The following SLC5A4 variants were observed in gnomAD, a reference collection of about 807,000 sequenced individuals.
SLC5A4 encodes solute carrier family 5 member 4.
In SLC5A4, 55 loss-of-function variants were observed where a neutral mutation model predicts 70.3. The observed-to-expected ratio is 0.78, with a 90% CI of 0.63 to 0.98. SLC5A4 has a LOEUF of 0.98. SLC5A4 is among the 50% of genes least tolerant of loss of function. The pLI, the probability that SLC5A4 is intolerant of heterozygous loss-of-function variation, is 0.00. For synonymous variants in SLC5A4, 268 were observed against 305.7 expected, an observed-to-expected ratio of 0.88 and a Z score of 1.29; for missense variants, 735 against 839.2, an observed-to-expected ratio of 0.88 and a Z score of 1.53.
chr22:32,316,648 G>C, the SLC5A4 span, among the ~76,000 whole-genome samples: 55 of 152,052 alleles, frequency 3.6e-4, 1 homozygote, highest in South Asian at 0.011. Flanking sequence ...TCCTGCCTCA[G>C]CCTCCTGAGT....
chr22:32,306,481 A>C, the SLC5A4 span, among the ~76,000 whole-genome samples: 2 of 151,460 alleles, frequency 1.3e-5, no homozygotes, highest in African/African-American at 4.9e-5. Context: ...AAAAAAACAA[A>C]AACTACTGTA....
chr22:32,300,316 G>A, the SLC5A4 span, among the ~76,000 whole-genome samples: 2 of 150,614 alleles, frequency 1.3e-5, no homozygotes, highest in East Asian at 2.0e-4. Flanking sequence ...GGGAGACTCC[G>A]TGGGCGTAGG....
At chr22:32,272,429 T>C in the SLC5A4 span, 3 of 872,102 alleles carry the variant, frequency 3.4e-6, no homozygotes, top group Non-Finnish European at 3.8e-6. Flanking sequence ...GACAGGCAGC[T>C]CTACATCCAC....
At chr22:32,219,047 G>A (rs1924895309) in intron 14 of SLC5A4, among the ~76,000 whole-genome samples, 1 of 152,132 alleles carries the variant, frequency 6.6e-6, no homozygotes, top group African/African-American at 2.4e-5. Flanking sequence ...CCCCATGTCA[G>A]CATATTAGAG....
chr22:32,345,266 T>C, the SLC5A4 span, among the ~76,000 whole-genome samples: 4 of 152,128 alleles, frequency 2.6e-5, no homozygotes, highest in African/African-American at 9.7e-5. Context: ...GAAAACCTGA[T>C]AGAAAAAGAT....
At chr22:32,274,739 A>G in the SLC5A4 span, among the ~76,000 whole-genome samples, 753 of 152,384 alleles carry the variant, frequency 4.9e-3, 11 homozygotes, top group African/African-American at 0.017. Context: ...TATCTTAAAA[A>G]GACAAATTCA....
chr22:32,313,532 A>G, the SLC5A4 span, among the ~76,000 whole-genome samples: 1 of 152,250 alleles, frequency 6.6e-6, no homozygotes, highest in South Asian at 2.1e-4. Flanking sequence ...GGAATAGGGA[A>G]GAGCCAGGAG....
At chr22:32,337,314 C>T in the SLC5A4 span, among the ~76,000 whole-genome samples, 2 of 152,320 alleles carry the variant, frequency 1.3e-5, no homozygotes, top group South Asian at 4.1e-4. Context: ...AGGCGGATTG[C>T]CTGGGCTTAG....
At chr22:32,328,473 T>C in the SLC5A4 span, among the ~76,000 whole-genome samples, 4 of 152,184 alleles carry the variant, frequency 2.6e-5, no homozygotes, top group Non-Finnish European at 5.9e-5. Context: ...GAGCCCTCTT[T>C]TTGGGTGGTC....
the SLC5A4 span, among the ~76,000 whole-genome samples, chr22:32,304,744 C>T: frequency 1.3e-5 from 2 of 152,176 alleles, no homozygotes; most frequent in African/African-American, 2.4e-5. Flanking sequence ...TGAAGTCCAA[C>T]TTATCAATTC....
At chr22:32,346,549 A>G in the SLC5A4 span, among the ~76,000 whole-genome samples, 6 of 147,934 alleles carry the variant, frequency 4.1e-5, no homozygotes, top group African/African-American at 1.5e-4. Flanking sequence ...AAATAACGCC[A>G]CATATCTGCA....
At position 32,225,782 on chromosome 22, in the gene SLC5A4, A is replaced by T. The variant is rs1431290867; in HGVS notation, c.1322T>A (p.Val441Asp). 4.3e-6 allele frequency: 7 copies of T among 1,612,184 alleles called. No homozygotes were observed. Among genetic ancestry groups the T allele is most frequent in the Non-Finnish European group, 5.9e-6 (7 of 1,178,552 alleles). Residue 441 changes from valine (V) to aspartate (D), a missense_variant, in exon 12 of 15, where the codon GTC becomes GAC. By Grantham distance (152) the Val-to-Asp change is radical. Transcript: ENST00000266086. The part of the protein sequence containing the change: ...LLLTVVSIVW[V>D]PLVQVSQNGQ... ...ATTTTGAGAAACTTGTACCAGTGGG[A>T]CCCACACAATGCTCACAACAGTTAA...
chr22:32,231,564 A>G (rs575081679), intron 9 of SLC5A4, among the ~76,000 whole-genome samples: 25 of 152,368 alleles, frequency 1.6e-4, no homozygotes, highest in Admixed American at 1.4e-3. Context: ...CAGCTGCACA[A>G]TACCTTGTTG....
At chr22:32,234,423 G>A (rs1166407747) in intron 8 of SLC5A4, among the ~76,000 whole-genome samples, 3 of 152,224 alleles carry the variant, frequency 2.0e-5, no homozygotes, top group Non-Finnish European at 4.4e-5. Flanking sequence ...TTTAAGCTGG[G>A]TGCGGTGGCT....
the SLC5A4 span, among the ~76,000 whole-genome samples, chr22:32,317,699 C>A: frequency 1.3e-5 from 2 of 152,168 alleles, no homozygotes; most frequent in Non-Finnish European, 2.9e-5. Context: ...CTCCTGGCCT[C>A]AAGCAATCCC....
At chr22:32,291,056 TGA>T in the SLC5A4 span, among the ~76,000 whole-genome samples, 1 of 152,176 alleles carries the variant, frequency 6.6e-6, no homozygotes, top group Non-Finnish European at 1.5e-5. Context: ...TTTCATCATA[TGA>T]GTTTTGCCAG....
chr22:32,302,496 A>G, the SLC5A4 span, among the ~76,000 whole-genome samples: 1 of 152,202 alleles, frequency 6.6e-6, no homozygotes, highest in East Asian at 1.9e-4. Context: ...TTAGTATGTA[A>G]GACTTAGGTA....
At chr22:32,331,534 T>C in the SLC5A4 span, among the ~76,000 whole-genome samples, 1 of 152,116 alleles carries the variant, frequency 6.6e-6, no homozygotes, top group African/African-American at 2.4e-5. Context: ...ACGGAAACTT[T>C]GTTTCCTTCA....
chr22:32,321,297 C>T, the SLC5A4 span, among the ~76,000 whole-genome samples: 1 of 113,554 alleles, frequency 8.8e-6, no homozygotes, highest in African/African-American at 3.2e-5. Flanking sequence ...TAAATAAATA[C>T]AAAACTTAGC....
Sources: allele counts gnomAD v4.1 joint callset (sites outside exome capture counted in the v4.1 genomes callset), GRCh38; gene constraint gnomAD v4.1.1; transcripts MANE v1.5; gene names NCBI Gene and HGNC (gene_info 2026-07-23, HGNC 2026-07-21).